PPP1R14C: variants seen among roughly 807,000 people sequenced by gnomAD.
PPP1R14C encodes the protein protein phosphatase 1 regulatory subunit 14C.
A neutral mutation model predicts 20.4 loss-of-function variants in PPP1R14C; 16 were observed. The ratio of observed to expected loss-of-function variants is 0.78; its 90% CI spans 0.53 to 1.19. PPP1R14C has a LOEUF of 1.19. PPP1R14C is among the 50% of genes most tolerant of loss of function. The pLI, the probability that PPP1R14C is intolerant of heterozygous loss-of-function variation, is 0.00. For missense variants in PPP1R14C, 211 were observed against 220.1 expected (o/e 0.96, Z 0.26); for synonymous variants, 91 against 91.0 (o/e 1.00, Z 0.00).
chr6:150,243,307 C>G (rs190781694), intron 3 of PPP1R14C, among the ~76,000 whole-genome samples: 97 of 151,898 alleles, frequency 6.4e-4, no homozygotes, highest in African/African-American at 2.3e-3. Context: ...TCCTGAGAAG[C>G]TGGGATTACA....
At chr6:150,187,075 A>G (rs1777685777) in intron 1 of PPP1R14C, among the ~76,000 whole-genome samples, 1 of 151,802 alleles carries the variant, frequency 6.6e-6, no homozygotes, top group African/African-American at 2.4e-5. Flanking sequence ...TCCTGGGTTC[A>G]AGAGATTCTC....
chr6:150,221,818 A>G (rs1778170833), intron 3 of PPP1R14C, among the ~76,000 whole-genome samples: 1 of 151,936 alleles, frequency 6.6e-6, no homozygotes, highest in South Asian at 2.1e-4. Flanking sequence ...ATTTTTTTTG[A>G]GAAAGAGTCT....
At position 150,167,346 on chromosome 6, in the gene PPP1R14C, T is replaced by C. The variant is rs550241080; in HGVS notation, c.306+23848T>C. ...TCGCACCACTGCACTCCAGCCTGGGTGACAGAGCAAGACTCCGTCTCGGGG... is the reference window on the plus strand; with the variant it reads ...TCGCACCACTGCACTCCAGCCTGGGCGACAGAGCAAGACTCCGTCTCGGGG... On this transcript the variant is annotated intron_variant, in intron 1 of 3. Transcript: ENST00000361131. Among the ~76,000 whole-genome samples the C allele has an allele frequency of 1.3e-4, 19 of 150,410 alleles. No homozygotes were observed. The South Asian group carries it at 4.0e-3, about 32-fold the overall frequency.
intron 3 of PPP1R14C, among the ~76,000 whole-genome samples, chr6:150,241,368 T>TATATATCCTATATA (rs1778429155): frequency 6.6e-6 from 1 of 152,220 alleles, no homozygotes; most frequent in Non-Finnish European, 1.5e-5. Flanking sequence ...ACATCCTTTA[T>TATATATCCTATATA]TAATGTAATA....
intron 1 of PPP1R14C, among the ~76,000 whole-genome samples, chr6:150,162,831 G>C (rs1336041866): frequency 6.6e-6 from 1 of 152,084 alleles, no homozygotes; most frequent in African/African-American, 2.4e-5. Flanking sequence ...GTAGTGCTAG[G>C]AAAAAAATAA....
At chr6:150,152,273 GGC>G (rs1777257508) in intron 1 of PPP1R14C, among the ~76,000 whole-genome samples, 2 of 152,198 alleles carry the variant, frequency 1.3e-5, no homozygotes, top group Non-Finnish European at 2.9e-5. Context: ...GAGGCCACAT[GGC>G]GGGCAGGTGG....
chr6:150,212,364 T>C (rs1245073110), intron 1 of PPP1R14C, among the ~76,000 whole-genome samples: 1 of 152,096 alleles, frequency 6.6e-6, no homozygotes, highest in African/African-American at 2.4e-5. Context: ...TTGGGGAAAA[T>C]GGGTCAGTGC....
At chr6:150,196,452 A>G (rs910529937) in intron 1 of PPP1R14C, among the ~76,000 whole-genome samples, 8 of 144,196 alleles carry the variant, frequency 5.5e-5, no homozygotes, top group African/African-American at 2.0e-4. Context: ...TCTTCTAAGG[A>G]CTTTTTTTTT....
rs570776806 is a variant in PPP1R14C, at chr6:150,185,597, C to T, written c.307-29147C>T. Among the ~76,000 whole-genome samples, 1 of 152,218 alleles carries T rather than the reference C, an allele frequency of 6.6e-6. No homozygotes were observed. The highest frequency in any genetic ancestry group is 2.4e-5 in the African/African-American group (1 of 41,534). The stretch of plus-strand genomic sequence containing the variant: ...CAGGGCTCCACAGAGTGAAGGCTAC[C>T]TCTGCATAATAGCTCTGCGGCCTCC... On this transcript the variant is annotated intron_variant, in intron 1 of 3. Coordinates refer to ENST00000361131, the MANE Select transcript of PPP1R14C (RefSeq NM_030949.3). The surrounding 1 kb of genome is among the most constrained non-coding windows in gnomAD (Gnocchi z 4.1).
chr6:150,167,757 C>T (rs1463308244), intron 1 of PPP1R14C, among the ~76,000 whole-genome samples: 4 of 152,052 alleles, frequency 2.6e-5, no homozygotes, highest in Admixed American at 1.3e-4. Context: ...TGTGGCAGGA[C>T]GCCTGGCCAC....
intron 3 of PPP1R14C, among the ~76,000 whole-genome samples, chr6:150,243,787 G>A (rs943552023): frequency 1.3e-5 from 2 of 152,206 alleles, no homozygotes; most frequent in African/African-American, 4.8e-5. Flanking sequence ...CTACCAACAG[G>A]TGGATGGATA....
In PPP1R14C at chr6:150,211,938, G is replaced by A. The variant is rs1778028319; in HGVS notation, c.307-2806G>A. 2.6e-5 allele frequency among the ~76,000 whole-genome samples: 4 copies of A among 152,328 alleles called. No individual in the cohort carries two copies. In the South Asian group the frequency reaches 8.3e-4, roughly 32 times the overall value. On this transcript the variant is annotated intron_variant, in intron 1 of 3. Coordinates refer to ENST00000361131, the MANE Select transcript of PPP1R14C (RefSeq NM_030949.3). ...GTTAACGATGACTCAATCACTTGAG[G>A]TTTTTTCCCCAACCCTTGAGATCTG... is the stretch of plus-strand genomic sequence containing the variant.
intron 3 of PPP1R14C, among the ~76,000 whole-genome samples, chr6:150,231,844 ATTTC>A (rs1778299746): frequency 6.6e-6 from 1 of 152,152 alleles, no homozygotes; most frequent in Non-Finnish European, 1.5e-5. Context: ...ACTGTATAGT[ATTTC>A]TTTCTGTTCA....
intron 1 of PPP1R14C, among the ~76,000 whole-genome samples, chr6:150,203,306 C>G (rs1180820495): frequency 6.6e-6 from 1 of 152,230 alleles, no homozygotes; most frequent in African/African-American, 2.4e-5. Flanking sequence ...TAGTTGGAAT[C>G]ATGCGTATGG....
intron 1 of PPP1R14C, among the ~76,000 whole-genome samples, chr6:150,172,305 CT>C (rs1777509134): frequency 6.6e-6 from 1 of 152,284 alleles, no homozygotes; most frequent in East Asian, 1.9e-4. Context: ...TATTAGATTC[CT>C]TCCCTAGGCC....
At chr6:150,214,923 G>T in intron 2 of PPP1R14C, 96 bp downstream of exon 2, 1 of 860,212 alleles carries the variant, frequency 1.2e-6, no homozygotes, top group Non-Finnish European at 1.9e-6. Flanking sequence ...CCGCCCTGTG[G>T]TGGTGTTGGC....
At chr6:150,187,823 AT>A (rs1186650764) in intron 1 of PPP1R14C, among the ~76,000 whole-genome samples, 12 of 152,186 alleles carry the variant, frequency 7.9e-5, no homozygotes, top group African/African-American at 2.7e-4. Context: ...CAAGATTTAC[AT>A]TCCTTGACCA....
At chr6:150,163,125 C>T (rs1405579513) in intron 1 of PPP1R14C, among the ~76,000 whole-genome samples, 1 of 152,210 alleles carries the variant, frequency 6.6e-6, no homozygotes, top group Admixed American at 6.5e-5. Flanking sequence ...GGCGCGGTGG[C>T]TCATACCTGT....
intron 1 of PPP1R14C, among the ~76,000 whole-genome samples, chr6:150,199,978 G>A (rs1777856515): frequency 6.6e-6 from 1 of 152,110 alleles, no homozygotes; most frequent in African/African-American, 2.4e-5. Context: ...TTTCCAAGTG[G>A]GGAATAAACA....
Sources: allele counts gnomAD v4.1 joint callset (sites outside exome capture counted in the v4.1 genomes callset), GRCh38; gene constraint gnomAD v4.1.1; non-coding constraint Gnocchi (gnomAD v3.1); transcripts MANE v1.5; gene names NCBI Gene and HGNC (gene_info 2026-07-23, HGNC 2026-07-21).